The following ZNF117 variants were observed in gnomAD, a reference collection of about 807,000 sequenced individuals.
ZNF117 encodes zinc finger protein 117, also known as Krueppel-related zinc finger protein.
A neutral mutation model predicts 41.2 loss-of-function variants in ZNF117; 37 were observed. The observed-to-expected ratio is 0.90, with a 90% CI of 0.69 to 1.18. The LOEUF (loss-of-function observed/expected upper bound fraction) is 1.18. Among genes scored for constraint, ZNF117 ranks in the 50% most tolerant of loss-of-function variants. The pLI is 0.00. For synonymous variants in ZNF117, 186 were observed against 186.6 expected (o/e 1.00, Z 0.02); for missense variants, 546 against 557.5 (o/e 0.98, Z 0.21).
chr7:64,974,749 T>G (rs1785843434), exon 3 of ZNF117: 1 of 151,948 alleles, frequency 6.6e-6, no homozygotes. Context: ...TTATTTATAC[T>G]TGTATATAAT....
At chr7:64,989,578 C>T (rs375607753) in intron 1 of ZNF117, among the ~76,000 whole-genome samples, 1 of 141,392 alleles carries the variant, frequency 7.1e-6, no homozygotes, top group East Asian at 2.1e-4. Flanking sequence ...ATGAAGATAC[C>T]AAAAGCAATT....
At position 64,979,399 on chromosome 7, in the gene ZNF117, C is replaced by A; in HGVS notation, c.172G>T (p.Glu58Ter). 2 of 1,610,810 alleles carry A rather than the reference C, an allele frequency of 1.2e-6. No homozygotes were observed. Among genetic ancestry groups the A allele is most frequent in the South Asian group, 1.1e-5 (1 of 90,326 alleles). ...TAATCTCCTTTGTGCTGTTTACACTCAACCACACTTTTACAGCCTTTTCTT... is the reference window on the plus strand; with the variant it reads ...TAATCTCCTTTGTGCTGTTTACACTAAACCACACTTTTACAGCCTTTTCTT... The change falls in exon 3 of 3, where the codon GAG (glutamate) becomes TAG (stop). Residue 58 changes from glutamate to a stop codon, truncating the protein, a stop_gained. Coordinates refer to ENST00000620222, the Ensembl canonical transcript of ZNF117. LOFTEE classifies it high-confidence loss of function.
chr7:64,982,108 C>T, exon 1 of ZNF117: 2 of 950,934 alleles, frequency 2.1e-6, no homozygotes, highest in Non-Finnish European at 3.3e-6. Context: ...CCATAAATGT[C>T]AATGGTCCCT....
At chr7:64,981,623 A>G (rs1222245548) in intron 1 of ZNF117, 141 bp from the exon 3 acceptor site, 1 of 776,782 alleles carries the variant, frequency 1.3e-6, no homozygotes, top group Admixed American at 3.4e-5. Context: ...AAATTTCTAA[A>G]GATTTAGAAA....
chr7:64,985,398 T>C (rs1402316156), upstream of ZNF117, among the ~76,000 whole-genome samples: 3 of 152,334 alleles, frequency 2.0e-5, no homozygotes, highest in Admixed American at 1.3e-4. Flanking sequence ...GCATTTTTTA[T>C]TGCTAAATTT....
chr7:64,974,861 A>T (rs1374858579), exon 3 of ZNF117: 3 of 151,960 alleles, frequency 2.0e-5, no homozygotes, highest in Admixed American at 2.0e-4. Flanking sequence ...CAAATGATAA[A>T]TGCTGGAGTT....
exon 3 of ZNF117, chr7:64,976,819 A>T (rs1457895125): frequency 5.1e-6 from 2 of 395,248 alleles, no homozygotes; most frequent in Admixed American, 6.8e-5. Context: ...AGGTTTGTAA[A>T]GTTTCCAGTA....
chr7:64,979,788 G>T (rs553325805), intron 2 of ZNF117: 35 of 272,466 alleles, frequency 1.3e-4, no homozygotes, highest in African/African-American at 7.2e-4. Flanking sequence ...CCACATGGAA[G>T]GAAGAGAAAA....
exon 3 of ZNF117, chr7:64,978,338 A>G (rs1785937301): frequency 4.3e-6 from 7 of 1,613,548 alleles, no homozygotes; most frequent in Non-Finnish European, 5.9e-6. Flanking sequence ...TCTCTCCAGT[A>G]TGAATTTTCT....
chr7:64,986,963 A>G (rs773680303), upstream of ZNF117, among the ~76,000 whole-genome samples: 6 of 152,188 alleles, frequency 3.9e-5, no homozygotes, highest in Non-Finnish European at 7.3e-5. Context: ...AGACATCTAC[A>G]AAAGTCTCCA....
chr7:64,990,950 A>C (rs1460963154), exon 1 of ZNF117: 2 of 316,250 alleles, frequency 6.3e-6, no homozygotes, highest in Non-Finnish European at 1.2e-5. Context: ...AGTAAAGTTT[A>C]AGAGAAAGCA....
upstream of ZNF117, among the ~76,000 whole-genome samples, chr7:64,984,943 A>C (rs919330830): frequency 9.9e-5 from 15 of 152,238 alleles, no homozygotes; most frequent in East Asian, 2.7e-3. Context: ...GGCACGCGCC[A>C]CCACGCCCGG....
At chr7:64,973,965 C>A (rs1287522637), downstream of ZNF117, 1 of 151,906 alleles carries the variant, frequency 6.6e-6, no homozygotes, top group Admixed American at 6.6e-5. Flanking sequence ...ACATCTGTTA[C>A]ACAGCAAGCA....
At chr7:64,974,030 G>A (rs1785824376), downstream of ZNF117, 1 of 151,800 alleles carries the variant, frequency 6.6e-6, no homozygotes. Context: ...GACTTATGAA[G>A]CATTCCTAGT....
At chr7:64,982,131 A>T, upstream of ZNF117, 1 of 838,944 alleles carries the variant, frequency 1.2e-6, no homozygotes, top group Non-Finnish European at 1.9e-6. Context: ...AAAACACAAA[A>T]ACACACACAT....
At position 64,989,450 on chromosome 7, in the gene ZNF117, T is replaced by TATATAC. The variant is rs1361568427; in HGVS notation, c.-196+496_-196+497insGTATAT. On this transcript the variant is annotated intron_variant, in intron 1 of 3. Transcript: ENST00000282869. Reference sequence around the variant, plus strand: ...TAAATGTAGAACTTAAAATTATATATATATATATATATATATATATATATA... The same window carrying TATATAC: ...TAAATGTAGAACTTAAAATTATATATATATACATATATATATATATATATATATATA... Among the ~76,000 whole-genome samples, 49 of 14,098 alleles carry TATATAC rather than the reference T, an allele frequency of 3.5e-3. 4 individuals are homozygous for TATATAC. The highest frequency in any genetic ancestry group is 0.023 in the Middle Eastern group (1 of 44). The allele number at this position is 14,098 out of a possible 152,430, so 9.2% of individuals were successfully genotyped here. A position where few individuals can be genotyped will look rare whatever the true frequency, so the allele number is the denominator to read the frequency against.
chr7:64,978,274 T>A (rs1413457977), exon 3 of ZNF117: 1 of 1,595,482 alleles, frequency 6.3e-7, no homozygotes, highest in Non-Finnish European at 8.6e-7. Flanking sequence ...TTATGTCCAA[T>A]AAGGGTTGAA....
exon 3 of ZNF117, chr7:64,975,436 G>T (rs1785864259): frequency 6.6e-6 from 1 of 151,310 alleles, no homozygotes; most frequent in Admixed American, 6.6e-5. Flanking sequence ...AACACAAAGA[G>T]CCTCTCCACT....
chr7:64,979,024 G>A, exon 3 of ZNF117: 1 of 1,613,142 alleles, frequency 6.2e-7, no homozygotes, highest in Non-Finnish European at 8.5e-7. Context: ...ATTCTCTTAT[G>A]TCTAATAAGG....
Sources: allele counts gnomAD v4.1 joint callset (sites outside exome capture counted in the v4.1 genomes callset), GRCh38; gene constraint gnomAD v4.1.1; transcripts MANE v1.5; gene names NCBI Gene and HGNC (gene_info 2026-07-23, HGNC 2026-07-21).